TRPM3: variants seen among roughly 807,000 people sequenced by gnomAD.
The protein encoded by TRPM3 is transient receptor potential cation channel subfamily M member 3, also known as long transient receptor potential channel 3.
TRPM3 carries 77 observed loss-of-function variants against 181.2 expected under a neutral mutation model. That is an observed-to-expected ratio of 0.42 (90% CI 0.35 to 0.51). The LOEUF (loss-of-function observed/expected upper bound fraction) is 0.51. Among genes scored for constraint, TRPM3 ranks in the 20% least tolerant of loss-of-function variants. The probability of loss-of-function intolerance (pLI) is 0.01; values close to 1 mark genes in which losing one functional copy is unlikely to be tolerated. For synonymous variants in TRPM3, 745 were observed against 796.4 expected, an observed-to-expected ratio of 0.94 and a Z score of 1.09; for missense variants, 1,759 against 2,196.7, an observed-to-expected ratio of 0.80 and a Z score of 3.98.
chr9:70,900,976 A>G lies in TRPM3; in HGVS notation c.178-36465T>C, dbSNP rs1266412620. 3.3e-5 allele frequency among the ~76,000 whole-genome samples: 5 copies of G among 152,258 alleles called. No individual in the cohort carries two copies. In the East Asian group the frequency reaches 9.6e-4, roughly 29 times the overall value. ...TTCCATTATATGCCCAGTGGGATGT[A>G]GAAGGCAACTTTTTCTCTCATTTGT... On this transcript the variant is annotated intron_variant, in intron 1 of 25. Coordinates refer to ENST00000677713, the MANE Select transcript of TRPM3 (RefSeq NM_001366145.2).
chr9:70,739,801 AGAG>A (rs2073621184), intron 8 of TRPM3, among the ~76,000 whole-genome samples: 1 of 152,082 alleles, frequency 6.6e-6, no homozygotes, highest in African/African-American at 2.4e-5. Flanking sequence ...TATTTTTAGT[AGAG>A]GTGGAATTTC....
At chr9:71,224,212 T>C (rs2080435304) in intron 1 of TRPM3, among the ~76,000 whole-genome samples, 1 of 152,212 alleles carries the variant, frequency 6.6e-6, no homozygotes. Flanking sequence ...ATTCCATTTG[T>C]TTGAGAGAAA....
At chr9:70,993,691 G>C (rs1268881206) in intron 1 of TRPM3, among the ~76,000 whole-genome samples, 1 of 149,920 alleles carries the variant, frequency 6.7e-6, no homozygotes, top group Non-Finnish European at 1.5e-5. Flanking sequence ...ATTATCTGTG[G>C]AAGGAGCACA....
intron 1 of TRPM3, among the ~76,000 whole-genome samples, chr9:71,307,963 T>G (rs1381190776): frequency 6.6e-6 from 1 of 151,352 alleles, no homozygotes; most frequent in Non-Finnish European, 1.5e-5. Context: ...TTATTTTTTC[T>G]TTCTTTCTTT....
At chr9:70,953,037 A>G (rs2097021823) in intron 1 of TRPM3, among the ~76,000 whole-genome samples, 2 of 151,818 alleles carry the variant, frequency 1.3e-5, no homozygotes, top group African/African-American at 4.8e-5. Flanking sequence ...TTAAAATGCT[A>G]TACTGCTAAA....
intron 24 of TRPM3, 132 bp downstream of exon 24, chr9:70,552,712 C>T: frequency 3.3e-6 from 3 of 916,728 alleles, no homozygotes; most frequent in Non-Finnish European, 5.3e-6. Context: ...CAATGCTCTC[C>T]AAGCCTTCAG....
chr9:70,909,827 C>A (rs762180538), intron 1 of TRPM3, among the ~76,000 whole-genome samples: 3 of 152,272 alleles, frequency 2.0e-5, no homozygotes, highest in Non-Finnish European at 4.4e-5. Context: ...ATGGCAATTA[C>A]TTTTGCACCG....
chr9:70,805,390 C>A (rs1002314343), intron 6 of TRPM3, among the ~76,000 whole-genome samples: 1 of 151,710 alleles, frequency 6.6e-6, no homozygotes, highest in Non-Finnish European at 1.5e-5. Context: ...AAAAATTAGC[C>A]GGGCATAGTG....
intron 1 of TRPM3, among the ~76,000 whole-genome samples, chr9:71,164,609 G>T (rs746381241): frequency 3.3e-5 from 5 of 152,048 alleles, no homozygotes; most frequent in Non-Finnish European, 4.4e-5. Context: ...TATAAAGACA[G>T]GAGACAATTG....
intron 1 of TRPM3, among the ~76,000 whole-genome samples, chr9:71,204,812 C>A (rs2453364): frequency 6.6e-6 from 1 of 151,300 alleles, no homozygotes; most frequent in East Asian, 1.9e-4. Flanking sequence ...TGGAACCAAG[C>A]GAAATGTCCA....
At chr9:70,741,809 T>C (rs2074158599) in intron 8 of TRPM3, among the ~76,000 whole-genome samples, 1 of 152,034 alleles carries the variant, frequency 6.6e-6, no homozygotes, top group African/African-American at 2.4e-5. Flanking sequence ...ACAACGGACT[T>C]TGGGTACTTG....
At chr9:70,998,516 A>G (rs1489229018) in intron 1 of TRPM3, among the ~76,000 whole-genome samples, 1 of 152,118 alleles carries the variant, frequency 6.6e-6, no homozygotes, top group African/African-American at 2.4e-5. Flanking sequence ...ATCATAACCC[A>G]AAGTCCATAG....
At chr9:71,415,657 A>C (rs1371103328) in intron 1 of TRPM3, among the ~76,000 whole-genome samples, 1 of 152,012 alleles carries the variant, frequency 6.6e-6, no homozygotes, top group East Asian at 1.9e-4. Context: ...TTAACACGGA[A>C]AACTGACTAA....
At position 71,302,770 on chromosome 9, in the gene TRPM3, A is replaced by G. The variant is rs116357201; in HGVS notation, c.183+143883T>C. Reference sequence around the variant, plus strand: ...TATTAATGTCAATTGCAGAATATGGAATAAATATTCTAAAAAAAAAAAGGA... The same window carrying G: ...TATTAATGTCAATTGCAGAATATGGGATAAATATTCTAAAAAAAAAAAGGA... On this transcript the variant is annotated intron_variant, in intron 1 of 24. Coordinates refer to the TRPM3 transcript ENST00000357533. 2.0e-3 allele frequency among the ~76,000 whole-genome samples: 307 copies of G among 151,826 alleles called. 2 individuals carry two copies. Among genetic ancestry groups the G allele is most frequent in the African/African-American group, 7.1e-3 (292 of 41,342 alleles).
intron 1 of TRPM3, among the ~76,000 whole-genome samples, chr9:71,296,368 A>C (rs985781145): frequency 1.3e-5 from 2 of 152,166 alleles, no homozygotes; most frequent in African/African-American, 4.8e-5. Context: ...AGTGTGTTGG[A>C]GGCTACTTTT....
rs372199659 is a variant in TRPM3 at position 70,990,482 on chromosome 9, A to G, written c.178-125971T>C. On this transcript the variant is annotated intron_variant, in intron 1 of 25. Coordinates refer to ENST00000677713, the MANE Select transcript of TRPM3 (RefSeq NM_001366145.2). ...ATAGAAGCTTTCAGTTCAAGTTATG[A>G]GATAAAAAGGTCTTGAACGGTGATT... Among the ~76,000 whole-genome samples the G allele has an allele frequency of 3.0e-4, 45 of 152,308 alleles. 1 individual carries two copies. The East Asian group carries it at 7.3e-3, about 25-fold the overall frequency.
chr9:70,625,308 T>G lies in TRPM3; in HGVS notation c.1692A>C (p.Arg564Ser). The part of the protein sequence containing the change: ...YFKGNLPPDY[R>S]ISLIDIGLVI... ...CCAGGCCGATGTCAATCAGGCTGATTCTGTAGTCTGGGGGCAGGTTCCCCT... is the reference window on the plus strand; with the variant it reads ...CCAGGCCGATGTCAATCAGGCTGATGCTGTAGTCTGGGGGCAGGTTCCCCT... The change falls in exon 14 of 26, where the codon AGA becomes AGC. Residue 564 changes from arginine (R) to serine (S), a missense_variant. By Grantham distance (110) the Arg-to-Ser change is moderately radical. Around this residue, in one of 8 missense-constraint regions of TRPM3, gnomAD observed 737 missense variants for 957.4 expected, o/e 0.77. Transcript: ENST00000677713. The surrounding 1 kb of genome is among the most constrained non-coding windows in gnomAD (Gnocchi z 4.8). 1 of 1,614,156 alleles carries G rather than the reference T, an allele frequency of 6.2e-7. No individual in the cohort carries two copies. The highest frequency in any genetic ancestry group is 8.5e-7 in the Non-Finnish European group (1 of 1,180,034).
At chr9:71,122,606 A>G (rs1383522228), upstream of TRPM3, among the ~76,000 whole-genome samples, 1 of 152,184 alleles carries the variant, frequency 6.6e-6, no homozygotes, top group African/African-American at 2.4e-5. Flanking sequence ...CATGACTATT[A>G]TGCAGTCAGA....
intron 1 of TRPM3, among the ~76,000 whole-genome samples, chr9:71,149,857 G>C (rs1587659238): frequency 6.6e-6 from 1 of 152,124 alleles, no homozygotes; most frequent in East Asian, 1.9e-4. Context: ...CAGCTACTTG[G>C]GAGGCTGAGG....
Sources: allele counts gnomAD v4.1 joint callset (sites outside exome capture counted in the v4.1 genomes callset), GRCh38; gene constraint gnomAD v4.1.1; regional missense constraint gnomAD v4.1.1; non-coding constraint Gnocchi (gnomAD v3.1); transcripts MANE v1.5; gene names NCBI Gene and HGNC (gene_info 2026-07-23, HGNC 2026-07-21).